VPS54: variants seen among roughly 807,000 people sequenced by gnomAD.
VPS54 encodes vacuolar protein sorting-associated protein 54.
In VPS54, 45 loss-of-function variants were observed where a neutral mutation model predicts 121.5. That is an observed-to-expected ratio of 0.37 (90% CI 0.29 to 0.47). The LOEUF is 0.47. Ranked by LOEUF, VPS54 falls within the 20% of genes least tolerant of loss-of-function variation. VPS54 has a pLI of 0.99. For missense variants in VPS54, 1,090 were observed against 1,131.4 expected, an observed-to-expected ratio of 0.96 and a Z score of 0.52; for synonymous variants, 371 against 385.8, an observed-to-expected ratio of 0.96 and a Z score of 0.45.
chr2:63,896,418 A>C (rs1206628506), intron 22 of VPS54, among the ~76,000 whole-genome samples: 1 of 152,194 alleles, frequency 6.6e-6, no homozygotes, highest in Non-Finnish European at 1.5e-5. Flanking sequence ...TGATAAATCT[A>C]GGTAAAAGCT....
intron 12 of VPS54, among the ~76,000 whole-genome samples, chr2:63,924,363 G>A (rs1263735274): frequency 6.6e-6 from 1 of 152,102 alleles, no homozygotes; most frequent in Non-Finnish European, 1.5e-5. Flanking sequence ...ATTCTGGATT[G>A]TGCTTGTTTT....
At chr2:63,967,258 A>G (rs1330199866) in intron 5 of VPS54, among the ~76,000 whole-genome samples, 1 of 152,232 alleles carries the variant, frequency 6.6e-6, no homozygotes, top group Non-Finnish European at 1.5e-5. Flanking sequence ...TAGAGACATG[A>G]GTAAATTTTC....
chr2:63,906,450 TATAAA>T (rs1672906966), intron 20 of VPS54, among the ~76,000 whole-genome samples: 4 of 152,302 alleles, frequency 2.6e-5, no homozygotes, highest in South Asian at 2.1e-4. Context: ...AAGAAATACT[TATAAA>T]ATGTGTGCAT....
chr2:63,898,183 C>A (rs1672522937), intron 21 of VPS54, among the ~76,000 whole-genome samples: 1 of 152,096 alleles, frequency 6.6e-6, no homozygotes, highest in Admixed American at 6.5e-5. Context: ...GACAAGAGTA[C>A]CCTTTAAATT....
intron 1 of VPS54, among the ~76,000 whole-genome samples, chr2:63,993,617 ATTG>A (rs1677434727): frequency 6.6e-6 from 1 of 152,250 alleles, no homozygotes; most frequent in Non-Finnish European, 1.5e-5. Flanking sequence ...TCCGAATTTA[ATTG>A]TAGTTCCTTT....
intron 11 of VPS54, among the ~76,000 whole-genome samples, chr2:63,940,391 G>C (rs781223405): frequency 4.6e-5 from 7 of 152,122 alleles, no homozygotes; most frequent in Non-Finnish European, 1.0e-4. Context: ...GTGAAAATGA[G>C]AAATTACAAC....
At chr2:63,950,170 C>T (rs1675172515) in intron 7 of VPS54, among the ~76,000 whole-genome samples, 2 of 152,228 alleles carry the variant, frequency 1.3e-5, no homozygotes, top group South Asian at 4.1e-4. Flanking sequence ...ACAGCATCTG[C>T]ACACAGTTTT....
chr2:63,976,832 T>TG (rs1676557807), intron 3 of VPS54, among the ~76,000 whole-genome samples: 1 of 142,922 alleles, frequency 7.0e-6, no homozygotes, highest in Non-Finnish European at 1.5e-5. Flanking sequence ...TCTCTTTTTT[T>TG]TTTTTTTTTT....
chr2:63,929,126 G>T (rs1181892478), intron 12 of VPS54, among the ~76,000 whole-genome samples: 2 of 152,112 alleles, frequency 1.3e-5, no homozygotes, highest in Admixed American at 1.3e-4. Flanking sequence ...AATTAACAAG[G>T]ATATCCAGGA....
chr2:63,980,813 C>A (rs965150616), intron 3 of VPS54, among the ~76,000 whole-genome samples: 3 of 151,900 alleles, frequency 2.0e-5, no homozygotes, highest in Non-Finnish European at 4.4e-5. Flanking sequence ...TCACTTAGAT[C>A]TGATCATTGA....
intron 12 of VPS54, among the ~76,000 whole-genome samples, chr2:63,927,012 C>T (rs181763012): frequency 6.6e-6 from 1 of 152,292 alleles, no homozygotes; most frequent in African/African-American, 2.4e-5. Flanking sequence ...GAAGCTCAAA[C>T]TGGGCAGAGC....
At chr2:63,913,693 G>GA (rs1456440569) in intron 17 of VPS54, 10 of 332,078 alleles carry the variant, frequency 3.0e-5, no homozygotes, top group Non-Finnish European at 4.4e-5. Flanking sequence ...TTAGAGGTTT[G>GA]AAAAAAATAA....
intron 1 of VPS54, among the ~76,000 whole-genome samples, chr2:63,990,238 T>C (rs1414015299): frequency 3.3e-5 from 5 of 152,194 alleles, no homozygotes; most frequent in African/African-American, 9.6e-5. Context: ...GAAAATTCAA[T>C]GTCTAACTCT....
intron 1 of VPS54, among the ~76,000 whole-genome samples, chr2:64,002,392 A>G (rs1677924207): frequency 6.6e-6 from 1 of 152,224 alleles, no homozygotes; most frequent in Non-Finnish European, 1.5e-5. Context: ...GGGGACATCC[A>G]GTGGAGCCTT....
intron 1 of VPS54, among the ~76,000 whole-genome samples, chr2:63,990,103 T>A (rs1462495634): frequency 1.3e-5 from 2 of 152,186 alleles, no homozygotes; most frequent in Non-Finnish European, 2.9e-5. Flanking sequence ...CGTGACCCCC[T>A]ACAGTTAACA....
At chr2:63,917,709 T>A (rs1397903824) in intron 15 of VPS54, among the ~76,000 whole-genome samples, 1 of 152,004 alleles carries the variant, frequency 6.6e-6, no homozygotes, top group African/African-American at 2.4e-5. Flanking sequence ...AGAAGTATAT[T>A]TTTTGAGGTT....
At chr2:63,897,384 C>A (rs1184149738) in intron 22 of VPS54, 112 bp downstream of exon 22, 2 of 685,224 alleles carry the variant, frequency 2.9e-6, no homozygotes, top group East Asian at 3.1e-5. Flanking sequence ...GCTGATTTTA[C>A]AACGTTGGTC....
intron 7 of VPS54, among the ~76,000 whole-genome samples, chr2:63,958,322 GA>G (rs1675594447): frequency 6.6e-6 from 1 of 151,906 alleles, no homozygotes; most frequent in Non-Finnish European, 1.5e-5. Flanking sequence ...GAAGGAATGA[GA>G]AAAAAGAAGA....
chr2:63,923,285 C>T (rs1673733791), intron 12 of VPS54, among the ~76,000 whole-genome samples: 1 of 151,182 alleles, frequency 6.6e-6, no homozygotes, highest in Non-Finnish European at 1.5e-5. Flanking sequence ...CACTGCACTC[C>T]AGCCTGGGCA....
Sources: allele counts gnomAD v4.1 joint callset (sites outside exome capture counted in the v4.1 genomes callset), GRCh38; gene constraint gnomAD v4.1.1; transcripts MANE v1.5; gene names NCBI Gene and HGNC (gene_info 2026-07-23, HGNC 2026-07-21).